Variants in ATG2B observed in about 807,000 individuals in gnomAD.
ATG2B encodes the protein autophagy-related protein 2 homolog B.
In ATG2B, 121 loss-of-function variants were observed where a neutral mutation model predicts 241.3. That is an observed-to-expected ratio of 0.50 (90% CI 0.43 to 0.58). The LOEUF is 0.58. Among genes scored for constraint, ATG2B ranks in the 20% least tolerant of loss-of-function variants. ATG2B has a pLI of 0.00. For synonymous variants in ATG2B, 858 were observed against 876.6 expected, an observed-to-expected ratio of 0.98 and a Z score of 0.37; for missense variants, 2,306 against 2,491.6, an observed-to-expected ratio of 0.93 and a Z score of 1.59.
intron 34 of ATG2B, 115 bp downstream of exon 34, chr14:96,301,892 C>T: frequency 2.6e-6 from 2 of 762,640 alleles, no homozygotes; most frequent in Non-Finnish European, 2.1e-6. Context: ...CAGAAGTTTG[C>T]TTTATATATG....
At chr14:96,296,249 G>A (rs572965382) in intron 34 of ATG2B, among the ~76,000 whole-genome samples, 1 of 152,226 alleles carries the variant, frequency 6.6e-6, no homozygotes, top group Non-Finnish European at 1.5e-5. Flanking sequence ...CATTGAACAT[G>A]ATATTCAAAA....
Position 96,285,451 on chromosome 14 carries a change from T to G in ATG2B, c.*304A>C. The stretch of plus-strand genomic sequence containing the variant: ...AGTGTTAGAAGGCAGCTTCCAATGA[T>G]CTCTCGTCGGTAACAAGGAGAATTA... On this transcript the variant is annotated 3_prime_UTR_variant, in exon 42 of 42. Transcript: ENST00000359933. The surrounding 1 kb of genome is among the most constrained non-coding windows in gnomAD (Gnocchi z 4.2). 3.0e-6 allele frequency: 1 copy of G among 336,490 alleles called. No homozygotes were observed. Among genetic ancestry groups the G allele is most frequent in the Non-Finnish European group, 5.6e-6 (1 of 178,286 alleles). The allele number at this position is 336,490 out of a possible 1,614,324, so 20.8% of individuals were successfully genotyped here. A position where few individuals can be genotyped will look rare whatever the true frequency, so the allele number is the denominator to read the frequency against.
At chr14:96,319,316 A>C (rs908930294) in intron 18 of ATG2B, among the ~76,000 whole-genome samples, 23 of 152,254 alleles carry the variant, frequency 1.5e-4, no homozygotes, top group Admixed American at 9.8e-4. Context: ...AATATCAAGA[A>C]AGAAAACAAT....
chr14:96,357,933 A>G (rs1888522732), intron 1 of ATG2B, among the ~76,000 whole-genome samples: 1 of 152,222 alleles, frequency 6.6e-6, no homozygotes, highest in Admixed American at 6.5e-5. Context: ...GTAAAAATGA[A>G]CTATTAAAAA....
intron 35 of ATG2B, 37 bp from the exon 36 acceptor site, chr14:96,295,204 T>C (rs370251506): frequency 1.3e-6 from 2 of 1,515,838 alleles, no homozygotes; most frequent in South Asian, 1.2e-5. Context: ...AAATTAGATA[T>C]GCTTCTTCTT....
chr14:96,303,142 A>G lies in ATG2B; in HGVS notation c.4956T>C (p.Asp1652=), dbSNP rs747206128. 1 of 1,613,344 alleles carries G rather than the reference A, an allele frequency of 6.2e-7. No homozygotes were observed. Among genetic ancestry groups the G allele is most frequent in the Non-Finnish European group, 8.5e-7 (1 of 1,179,704 alleles). Reference sequence around the variant, plus strand: ...TATTCATTTGTGATGTTGCCAAACGATCTCGAATCTCAAGATCCTGAACAA... The same window carrying G: ...TATTCATTTGTGATGTTGCCAAACGGTCTCGAATCTCAAGATCCTGAACAA... ...VFIVQDLEIR[D]RLATSQMNKF... Residue 1652 remains aspartate (D), a synonymous_variant, in exon 33 of 42, where the codon GAT becomes GAC. Coordinates refer to ENST00000359933, the MANE Select transcript of ATG2B (RefSeq NM_018036.7).
rs1886249901 is a variant in ATG2B at position 96,283,351 on chromosome 14, AGAGATCT to A, written c.*2397_*2403del. The A allele has an allele frequency of 6.6e-6, 1 of 152,282 alleles. No homozygotes were observed. Among genetic ancestry groups the A allele is most frequent in the Non-Finnish European group, 1.5e-5 (1 of 68,112 alleles). 9.4% of individuals were successfully genotyped at this position (152,282 alleles called of 1,614,324 possible). A position where few individuals can be genotyped will look rare whatever the true frequency, so the allele number is the denominator to read the frequency against. On this transcript the variant is annotated 3_prime_UTR_variant, in exon 42 of 42. Coordinates refer to ENST00000359933, the MANE Select transcript of ATG2B (RefSeq NM_018036.7). ...GGCAGTTCAGAAAAGTATTGCTCTG[AGAGATCT>A]GAGATCTAAGGTGGCCCCTGGCTGC... is the stretch of plus-strand genomic sequence containing the variant.
At chr14:96,301,261 GGA>G (rs1248180935) in intron 34 of ATG2B, among the ~76,000 whole-genome samples, 26 of 152,148 alleles carry the variant, frequency 1.7e-4, no homozygotes, top group African/African-American at 6.0e-4. Context: ...TATCAGTGAA[GGA>G]ACTAAGGCTT....
rs1211280941 is a variant in ATG2B at position 96,305,761 on chromosome 14, T to C, written c.4561A>G (p.Arg1521Gly). 2 of 1,614,192 alleles carry C rather than the reference T, an allele frequency of 1.2e-6. No homozygotes were observed. Among genetic ancestry groups the C allele is most frequent in the Non-Finnish European group, 1.7e-6 (2 of 1,180,016 alleles). ...ACGGGCAGACTGAAATAATTGTCTCTTATCACAATTGCATCATCAACCATG... is the reference window on the plus strand; with the variant it reads ...ACGGGCAGACTGAAATAATTGTCTCCTATCACAATTGCATCATCAACCATG... ...KIMVDDAIVI[R>G]DNYFSLPVNK... The change falls in exon 31 of 42, where the codon AGA (arginine) becomes GGA (glycine). Residue 1521 changes from arginine (R) to glycine (G), a missense_variant. Around this residue, in one of 2 missense-constraint regions of ATG2B, gnomAD observed 1,927 missense variants for 2,011.2 expected, o/e 0.96. Transcript: ENST00000359933.
intron 4 of ATG2B, among the ~76,000 whole-genome samples, chr14:96,343,886 A>G (rs1415787249): frequency 6.6e-6 from 1 of 152,224 alleles, no homozygotes; most frequent in Admixed American, 6.5e-5. Context: ...TGTTTTACTA[A>G]TAGGTGTTTT....
Position 96,320,335 on chromosome 14 carries a change from C to T in ATG2B, c.2879+1777G>A, listed in dbSNP as rs145655324. Among the ~76,000 whole-genome samples, 810 of 151,980 alleles carry T rather than the reference C, an allele frequency of 5.3e-3. 27 individuals carry two copies. In the South Asian group the frequency reaches 0.067, roughly 13 times the overall value. On this transcript the variant is annotated intron_variant, in intron 18 of 41. Coordinates refer to ENST00000359933, the MANE Select transcript of ATG2B (RefSeq NM_018036.7). ...AGTATAGTTTAAATAAAAACTGTACCGTTTTAATTAATGCAGACTGGGGTA... is the reference window on the plus strand; with the variant it reads ...AGTATAGTTTAAATAAAAACTGTACTGTTTTAATTAATGCAGACTGGGGTA...
chr14:96,329,591 T>C lies in ATG2B; in HGVS notation c.1774A>G (p.Arg592Gly). Residue 592 changes from arginine to glycine, a missense_variant, in exon 12 of 42, where the codon AGA (arginine) becomes GGA (glycine). Arg to Gly is a moderately radical substitution (Grantham distance 125, BLOSUM62 -2). Around this residue, in one of 2 missense-constraint regions of ATG2B, gnomAD observed 1,927 missense variants for 2,011.2 expected, o/e 0.96. Transcript: ENST00000359933. ...GTACTAAAATATCGGGAAGCTGATC[T>C]TTGTCTTTGTTCATAGGATACTTTA... ...GIKVSYEQRQ[R>G]SASRYFSTDM... 6.2e-7 allele frequency: 1 copy of C among 1,610,482 alleles called. No homozygotes were observed. Among genetic ancestry groups the C allele is most frequent in the Non-Finnish European group, 8.5e-7 (1 of 1,177,026 alleles).
chr14:96,318,713 A>G (rs984448281), intron 18 of ATG2B, among the ~76,000 whole-genome samples: 1 of 152,122 alleles, frequency 6.6e-6, no homozygotes, highest in African/African-American at 2.4e-5. Context: ...TCAAAGAACT[A>G]CCTGTCACTG....
Position 96,344,676 on chromosome 14 carries a change from C to T in ATG2B, c.559G>A (p.Ala187Thr). 6.2e-7 allele frequency: 1 copy of T among 1,602,154 alleles called. No homozygotes were observed. Among genetic ancestry groups the T allele is most frequent in the Admixed American group, 1.7e-5 (1 of 58,770 alleles). Residue 187 changes from alanine (A) to threonine (T), a missense_variant, in exon 4 of 42, where the codon GCA becomes ACA. This residue lies in a region of ATG2B where 1,927 missense variants were observed against 2,011.2 expected (regional missense o/e 0.96). Coordinates refer to ENST00000359933, the MANE Select transcript of ATG2B (RefSeq NM_018036.7). The part of the protein sequence containing the change: ...HVPENSKTGT[A>T]LEIRIERTVY... ...TACCTTTCTATTCGAATTTCAAGTG[C>T]AGTTCCAGTTTTGGAATTTTCTGGC...
In ATG2B at chr14:96,283,494, T is replaced by A. The variant is rs1255922283; in HGVS notation, c.*2261A>T. 1 of 152,170 alleles carries A rather than the reference T, an allele frequency of 6.6e-6. No homozygotes were observed. Among genetic ancestry groups the A allele is most frequent in the Non-Finnish European group, 1.5e-5 (1 of 68,070 alleles). The allele number at this position is 152,170 out of a possible 1,614,324, so 9.4% of individuals were successfully genotyped here. The stretch of plus-strand genomic sequence containing the variant: ...ATCATTCTCACACGCACACACAGCC[T>A]AATCATCCAAAACCTCCCTTTGGGC... On this transcript the variant is annotated 3_prime_UTR_variant, in exon 42 of 42. Coordinates refer to ENST00000359933, the MANE Select transcript of ATG2B (RefSeq NM_018036.7).
At chr14:96,315,750 A>G (rs781065500) in intron 21 of ATG2B, among the ~76,000 whole-genome samples, 167 bp from the exon 22 acceptor site, 3 of 152,216 alleles carry the variant, frequency 2.0e-5, no homozygotes, top group Non-Finnish European at 4.4e-5. Flanking sequence ...CTCTTTGCTA[A>G]TGTTAGTGTG....
intron 29 of ATG2B, among the ~76,000 whole-genome samples, chr14:96,308,282 A>ATATATATATT (rs1566720002): frequency 2.7e-5 from 1 of 37,036 alleles, no homozygotes; most frequent in Non-Finnish European, 5.1e-5. Flanking sequence ...ATATATATAT[A>ATATATATATT]TTTTTTTTTT....
intron 33 of ATG2B, among the ~76,000 whole-genome samples, 155 bp downstream of exon 33, chr14:96,302,906 C>T (rs548832483): frequency 1.3e-5 from 2 of 152,096 alleles, no homozygotes; most frequent in Non-Finnish European, 2.9e-5. Flanking sequence ...ATTTTTTAAA[C>T]ATAAAACTTT....
intron 28 of ATG2B, among the ~76,000 whole-genome samples, chr14:96,309,873 A>C (rs1887102033): frequency 6.6e-6 from 1 of 152,196 alleles, no homozygotes; most frequent in Non-Finnish European, 1.5e-5. Flanking sequence ...GAAGTTGAAC[A>C]AACTGCAATA....
Sources: allele counts gnomAD v4.1 joint callset (sites outside exome capture counted in the v4.1 genomes callset), GRCh38; gene constraint gnomAD v4.1.1; regional missense constraint gnomAD v4.1.1; non-coding constraint Gnocchi (gnomAD v3.1); transcripts MANE v1.5; gene names NCBI Gene and HGNC (gene_info 2026-07-23, HGNC 2026-07-21).